Variants in COPS7B observed in about 807,000 individuals in gnomAD.
COPS7B encodes the protein COP9 signalosome subunit 7B.
In COPS7B, 9 loss-of-function variants were observed where a neutral mutation model predicts 33.4. The observed-to-expected ratio is 0.27, with a 90% confidence interval of 0.16 to 0.47. The LOEUF (loss-of-function observed/expected upper bound fraction) is 0.47. Among genes scored for constraint, COPS7B ranks in the 20% least tolerant of loss-of-function variants. The probability of loss-of-function intolerance (pLI) is 0.99; values close to 1 mark genes in which losing one functional copy is unlikely to be tolerated. For missense variants in COPS7B, 242 were observed against 318.2 expected (o/e 0.76, Z 1.82); for synonymous variants, 119 against 126.3 (o/e 0.94, Z 0.39).
intron 3 of COPS7B, chr2:231,792,381 A>G (rs2049442974): frequency 4.3e-6 from 1 of 233,340 alleles, no homozygotes; most frequent in Non-Finnish European, 8.6e-6. Context: ...AATCCCAGCC[A>G]CTCCGGAGGC....
chr2:231,795,153 A>G (rs1478836052), intron 4 of COPS7B, among the ~76,000 whole-genome samples: 3 of 151,954 alleles, frequency 2.0e-5, no homozygotes, highest in Admixed American at 2.0e-4. Context: ...TCCTGACCTC[A>G]GGTGATCCAC....
intron 1 of COPS7B, among the ~76,000 whole-genome samples, chr2:231,786,944 T>G (rs1038313851): frequency 1.3e-5 from 2 of 152,206 alleles, no homozygotes; most frequent in African/African-American, 4.8e-5. Context: ...GCTTTGCTCC[T>G]TAAGCCGAGA....
At chr2:231,805,443 ATT>A (rs993169995) in intron 6 of COPS7B, among the ~76,000 whole-genome samples, 18 of 101,910 alleles carry the variant, frequency 1.8e-4, no homozygotes, top group East Asian at 1.6e-3. Context: ...TTTTTTTTAA[ATT>A]TTATATATAT....
chr2:231,788,364 C>T (rs1239249382), intron 1 of COPS7B, among the ~76,000 whole-genome samples, 191 bp from the exon 2 acceptor site: 1 of 152,090 alleles, frequency 6.6e-6, no homozygotes, highest in Non-Finnish European at 1.5e-5. Context: ...TCGAACTCCT[C>T]ACCTCAGGTG....
At chr2:231,802,799 C>T (rs2049785252) in intron 6 of COPS7B, among the ~76,000 whole-genome samples, 3 of 152,224 alleles carry the variant, frequency 2.0e-5, no homozygotes, top group Admixed American at 2.0e-4. Flanking sequence ...TTAAGATCCC[C>T]TTCCACTAGG....
chr2:231,784,160 G>A (rs958098292), upstream of COPS7B, among the ~76,000 whole-genome samples: 2 of 151,954 alleles, frequency 1.3e-5, no homozygotes, highest in Admixed American at 1.3e-4. Context: ...GCTGGAGTTA[G>A]GAGGGAGGCA....
Position 231,792,279 on chromosome 2 carries a change from G to C in COPS7B, c.238+471G>C, listed in dbSNP as rs200499153. The C allele has an allele frequency of 3.6e-5, 12 of 329,644 alleles. No individual in the cohort carries two copies. In the East Asian group the frequency reaches 1.0e-3, roughly 28 times the overall value. The allele number at this position is 329,644 out of a possible 1,614,324, so 20.4% of individuals were successfully genotyped here. A position where few individuals can be genotyped will look rare whatever the true frequency, so the allele number is the denominator to read the frequency against. The stretch of plus-strand genomic sequence containing the variant: ...GGCCGAGGCAGGCAGATCACTTGAG[G>C]TGAGGAGTTTTACACCAGCCTGGCC... On this transcript the variant is annotated intron_variant, in intron 3 of 6. Coordinates refer to ENST00000350033, the MANE Select transcript of COPS7B (RefSeq NM_022730.4).
intron 1 of COPS7B, among the ~76,000 whole-genome samples, chr2:231,787,476 T>C (rs191109624): frequency 2.0e-5 from 3 of 152,306 alleles, no homozygotes; most frequent in Admixed American, 2.0e-4. Context: ...TGTAATTAGA[T>C]TACACAATTG....
rs766899141 is a variant in COPS7B, at chr2:231,796,248, G to T, written c.470G>T (p.Cys157Phe). The change falls in exon 5 of 7, where the codon TGC (cysteine) becomes TTC (phenylalanine). Residue 157 changes from cysteine (C) to phenylalanine (F), a missense_variant. By Grantham distance (205) the Cys-to-Phe change is radical (BLOSUM62 -2). Transcript: ENST00000350033. ...AACCAGCTGCTGGAAGTGGATTTCT[G>T]CATTGGCCGTGACATCCGAAAGAAG... Reference protein sequence around the residue: ...QRNQLLEVDFCIGRDIRKKDI... With the variant: ...QRNQLLEVDFFIGRDIRKKDI... The T allele has an allele frequency of 3.1e-6, 5 of 1,614,166 alleles. No homozygotes were observed. In the Admixed American group the frequency reaches 8.3e-5, roughly 27 times the overall value.
In COPS7B at chr2:231,801,351, C is replaced by T. The variant is rs911539239; in HGVS notation, c.636+2387C>T. ...AGCATACCTGGGGGACCATTATGAG[C>T]TGTTTCATTATTTCTGAGGAAGCAC... On this transcript the variant is annotated intron_variant, in intron 6 of 6. Coordinates refer to ENST00000350033, the MANE Select transcript of COPS7B (RefSeq NM_022730.4). 4.7e-5 allele frequency: 68 copies of T among 1,435,126 alleles called. 1 individual carries two copies. The highest frequency in any genetic ancestry group is 6.1e-5 in the Non-Finnish European group (66 of 1,081,252). The allele number at this position is 1,435,126 out of a possible 1,614,324, so 88.9% of individuals were successfully genotyped here.
At chr2:231,784,050 G>A (rs1313849463), upstream of COPS7B, among the ~76,000 whole-genome samples, 1 of 151,194 alleles carries the variant, frequency 6.6e-6, no homozygotes, top group African/African-American at 2.4e-5. Context: ...CCAAAAAAGA[G>A]CAAGCTTGAG....
upstream of COPS7B, among the ~76,000 whole-genome samples, chr2:231,782,215 C>T (rs565754271): frequency 7.2e-5 from 11 of 152,326 alleles, no homozygotes; most frequent in Admixed American, 1.3e-4. Flanking sequence ...CTCTTTGCAC[C>T]ACACTAAGGA....
intron 3 of COPS7B, chr2:231,792,293 A>G (rs1279644958): frequency 3.2e-6 from 1 of 315,520 alleles, no homozygotes; most frequent in African/African-American, 2.2e-5. Context: ...GGAGTTTTAC[A>G]CCAGCCTGGC....
In COPS7B at chr2:231,788,675, A is replaced by G; in HGVS notation, c.105A>G (p.Leu35=). The part of the protein sequence containing the change: ...SALTALISQV[L]EAPGVYVFGE... ...TCACTGCTCTCATAAGCCAGGTCTTAGAGGCTCCCGGAGTGTATGTCTTTG... is the reference window on the plus strand; with the variant it reads ...TCACTGCTCTCATAAGCCAGGTCTTGGAGGCTCCCGGAGTGTATGTCTTTG... The change falls in exon 2 of 7, where the codon TTA becomes TTG. Residue 35 remains leucine, a synonymous_variant. Transcript: ENST00000350033. The G allele has an allele frequency of 1.2e-6, 2 of 1,614,240 alleles. No homozygotes were observed. Among genetic ancestry groups the G allele is most frequent in the Non-Finnish European group, 1.7e-6 (2 of 1,180,034 alleles).
intron 5 of COPS7B, 48 bp from the exon 6 acceptor site, chr2:231,798,811 G>A: frequency 6.7e-7 from 1 of 1,492,030 alleles, no homozygotes; most frequent in Non-Finnish European, 9.3e-7. Flanking sequence ...GCCTGGAAGA[G>A]ACTTCCCAGG....
intron 3 of COPS7B, 173 bp downstream of exon 3, chr2:231,791,981 C>G (rs185098039): frequency 1.7e-3 from 1,226 of 702,682 alleles, no homozygotes; most frequent in Middle Eastern, 4.0e-3. Flanking sequence ...TCCTTCTCAC[C>G]TTTTATATTC....
chr2:231,797,126 G>A (rs1296436770), intron 5 of COPS7B, among the ~76,000 whole-genome samples: 1 of 152,198 alleles, frequency 6.6e-6, no homozygotes, highest in Non-Finnish European at 1.5e-5. Context: ...GTGGCATGTT[G>A]GAAGCCATGA....
intron 6 of COPS7B, chr2:231,801,286 T>C: frequency 1.3e-6 from 2 of 1,535,710 alleles, no homozygotes; most frequent in Non-Finnish European, 1.8e-6. Context: ...TCTCTCCATT[T>C]AGGCTTTTGT....
chr2:231,786,440 G>C, upstream of COPS7B: 1 of 985,980 alleles, frequency 1.0e-6, no homozygotes, highest in Non-Finnish European at 1.2e-6. Flanking sequence ...AGACAGAAAA[G>C]CGCCGGACGC....
Sources: gnomAD v4.1 joint callset for allele counts (sites outside exome capture counted in the v4.1 genomes callset) on GRCh38, gnomAD v4.1.1 for gene constraint, MANE v1.5 for transcripts, NCBI Gene and HGNC (gene_info 2026-07-23, HGNC 2026-07-21) for gene names.